The following ATF7IP2 variants were observed in gnomAD, a reference collection of about 807,000 sequenced individuals.
ATF7IP2 encodes the protein activating transcription factor 7-interacting protein 2.
ATF7IP2 carries 42 observed loss-of-function variants against 64.2 expected under a neutral mutation model. That is an observed-to-expected ratio of 0.65 (90% confidence interval 0.51 to 0.85). The LOEUF is 0.85. Ranked by LOEUF, ATF7IP2 falls within the 40% of genes least tolerant of loss-of-function variation. ATF7IP2 has a pLI of 0.00. For synonymous variants in ATF7IP2, 308 were observed against 272.8 expected, an observed-to-expected ratio of 1.13 and a Z score of -1.27; for missense variants, 933 against 784.2, an observed-to-expected ratio of 1.19 and a Z score of -2.27.
At chr16:10,401,124 T>C (rs1410859353) in intron 1 of ATF7IP2, among the ~76,000 whole-genome samples, 1 of 152,218 alleles carries the variant, frequency 6.6e-6, no homozygotes, top group African/African-American at 2.4e-5. Context: ...AGAACCATCC[T>C]TGCATCCTTG....
chr16:10,471,247 A>ACTGGGCGCAGTGGCTCACAC (rs1436474432), intron 9 of ATF7IP2, among the ~76,000 whole-genome samples: 9 of 152,044 alleles, frequency 5.9e-5, no homozygotes, highest in African/African-American at 1.9e-4. Context: ...GTATAATTGG[A>ACTGGGCGCAGTGGCTCACAC]CTGGGCGCAG....
At chr16:10,412,026 T>G (rs1404192218) in intron 1 of ATF7IP2, among the ~76,000 whole-genome samples, 10 of 145,636 alleles carry the variant, frequency 6.9e-5, no homozygotes, top group Admixed American at 1.4e-4. Flanking sequence ...TTTTTTTTTT[T>G]TTTTTTTTTT....
At chr16:10,394,028 C>T (rs1362835910) in intron 1 of ATF7IP2, among the ~76,000 whole-genome samples, 1 of 151,994 alleles carries the variant, frequency 6.6e-6, no homozygotes, top group African/African-American at 2.4e-5. Flanking sequence ...AGACCTATCT[C>T]TAAACAAACA....
intron 2 of ATF7IP2, among the ~76,000 whole-genome samples, chr16:10,415,758 G>C (rs2047860876): frequency 6.6e-6 from 1 of 152,166 alleles, no homozygotes; most frequent in Non-Finnish European, 1.5e-5. Flanking sequence ...CGACTCTGTA[G>C]GAAAGAATCT....
intron 3 of ATF7IP2, among the ~76,000 whole-genome samples, chr16:10,425,418 C>T (rs1477006242): frequency 6.7e-6 from 1 of 150,066 alleles, no homozygotes; most frequent in Non-Finnish European, 1.5e-5. Flanking sequence ...GAAGCAGATT[C>T]AGATCTTAAA....
At position 10,431,126 on chromosome 16, in the gene ATF7IP2, G is replaced by T; in HGVS notation, c.506G>T (p.Cys169Phe). 4 of 1,614,158 alleles carry T rather than the reference G, an allele frequency of 2.5e-6. No individual in the cohort carries two copies. The highest frequency in any genetic ancestry group is 3.4e-6 in the Non-Finnish European group (4 of 1,180,030). Reference protein sequence around the residue: ...EGACSLKSSCCPPSVLSGVVQ... With the variant: ...EGACSLKSSCFPPSVLSGVVQ... ...GCTTGTAGTCTAAAGTCCAGTTGCT[G>T]TCCACCCAGTGTATTGAGTGGTGTT... Residue 169 changes from cysteine (C) to phenylalanine (F), a missense_variant, in exon 5 of 14, where the codon TGT becomes TTT. By Grantham distance (205) the Cys-to-Phe change is radical (BLOSUM62 -2). Transcript: ENST00000562102.
intron 12 of ATF7IP2, among the ~76,000 whole-genome samples, chr16:10,477,493 A>C (rs1238364417): frequency 6.6e-6 from 1 of 152,174 alleles, no homozygotes; most frequent in Admixed American, 6.5e-5. Flanking sequence ...AATAAGAGCT[A>C]TCTATGACAA....
At chr16:10,407,172 A>G (rs1342289817) in intron 1 of ATF7IP2, among the ~76,000 whole-genome samples, 2 of 152,206 alleles carry the variant, frequency 1.3e-5, no homozygotes, top group Admixed American at 6.5e-5. Flanking sequence ...ATAACATTCA[A>G]CTTCCCTACA....
chr16:10,467,549 G>C (rs1422645898), intron 9 of ATF7IP2, among the ~76,000 whole-genome samples: 1 of 151,662 alleles, frequency 6.6e-6, no homozygotes, highest in Non-Finnish European at 1.5e-5. Context: ...ACAATTTAGA[G>C]GGTAAAAGTG....
chr16:10,472,014 A>C, intron 9 of ATF7IP2, 96 bp from the exon 10 acceptor site: 1 of 521,632 alleles, frequency 1.9e-6, no homozygotes. Flanking sequence ...AAACATTATG[A>C]AATGTTAAGT....
Position 10,473,909 on chromosome 16 carries a change from T to A in ATF7IP2, c.1483-14T>A, listed in dbSNP as rs1421711662. ...TGAGGCAAAGCTTTTTTTTTTTTTT[T>A]ACAATTTTTTTAGGCTGTACAGAAG... On this transcript the variant is annotated splice_polypyrimidine_tract_variant and intron_variant, in intron 11 of 13. Coordinates refer to ENST00000562102, the MANE Select transcript of ATF7IP2 (RefSeq NM_001393719.1). 1.4e-5 allele frequency: 20 copies of A among 1,409,944 alleles called. No homozygotes were observed. Among genetic ancestry groups the A allele is most frequent in the Non-Finnish European group, 1.7e-5 (18 of 1,045,254 alleles). 87.3% of individuals were successfully genotyped at this position (1,409,944 alleles called of 1,614,324 possible). A position where few individuals can be genotyped will look rare whatever the true frequency, so the allele number is the denominator to read the frequency against.
chr16:10,430,358 A>G (rs2048203203), intron 4 of ATF7IP2, among the ~76,000 whole-genome samples: 1 of 152,198 alleles, frequency 6.6e-6, no homozygotes, highest in Admixed American at 6.5e-5. Flanking sequence ...TGGCTAGATA[A>G]AACTATCAGG....
chr16:10,462,770 T>C (rs2049418038), intron 9 of ATF7IP2, among the ~76,000 whole-genome samples: 1 of 152,160 alleles, frequency 6.6e-6, no homozygotes, highest in South Asian at 2.1e-4. Flanking sequence ...TTCTTGACAT[T>C]ATTGCTTCAG....
At chr16:10,479,199 C>T (rs1476457082) in intron 12 of ATF7IP2, among the ~76,000 whole-genome samples, 1 of 149,860 alleles carries the variant, frequency 6.7e-6, no homozygotes, top group African/African-American at 2.5e-5. Flanking sequence ...GACACATGCA[C>T]ACGTATGTTT....
intron 12 of ATF7IP2, among the ~76,000 whole-genome samples, chr16:10,478,712 CA>C (rs2050100685): frequency 6.6e-6 from 1 of 152,160 alleles, no homozygotes. Flanking sequence ...TCAGAGTGAA[CA>C]GGCAACCTAC....
At position 10,395,091 on chromosome 16, in the gene ATF7IP2, G is replaced by A. The variant is rs117097034; in HGVS notation, c.-242+8969G>A. On this transcript the variant is annotated intron_variant, in intron 1 of 13. Coordinates refer to ENST00000562102, the MANE Select transcript of ATF7IP2 (RefSeq NM_001393719.1). ...TTCAGCTAAACTGAGCACAAAAAAG[G>A]GAGAGAAGACTCAAATTACTAAAAT... is the stretch of plus-strand genomic sequence containing the variant. 3.7e-3 allele frequency among the ~76,000 whole-genome samples: 559 copies of A among 152,010 alleles called. 1 individual carries two copies. Among genetic ancestry groups the A allele is most frequent in the Admixed American group, 6.0e-3 (92 of 15,260 alleles).
intron 3 of ATF7IP2, among the ~76,000 whole-genome samples, chr16:10,419,828 A>C (rs951515144): frequency 1.2e-4 from 19 of 152,120 alleles, no homozygotes; most frequent in African/African-American, 4.3e-4. Flanking sequence ...CATAACCTCT[A>C]CCCCAAATTA....
chr16:10,387,405 A>C (rs1011593496), intron 1 of ATF7IP2: 1 of 152,214 alleles, frequency 6.6e-6, no homozygotes, highest in African/African-American at 2.4e-5. Flanking sequence ...TACAGACCAC[A>C]TCCTAAGATT....
intron 12 of ATF7IP2, among the ~76,000 whole-genome samples, chr16:10,474,762 A>C (rs1237975639): frequency 6.6e-6 from 1 of 152,232 alleles, no homozygotes; most frequent in Non-Finnish European, 1.5e-5. Flanking sequence ...ATCCAGTGAT[A>C]AGGAGAAAAA....
Sources: gnomAD v4.1 joint callset for allele counts (sites outside exome capture counted in the v4.1 genomes callset) on GRCh38, gnomAD v4.1.1 for gene constraint, MANE v1.5 for transcripts, NCBI Gene and HGNC (gene_info 2026-07-23, HGNC 2026-07-21) for gene names.